ARFIP1: variants seen among roughly 807,000 people sequenced by gnomAD.
ARFIP1 encodes ARF interacting protein 1.
Under a neutral mutation model 42.5 loss-of-function variants are expected in ARFIP1, and 24 were observed. That is an observed-to-expected ratio of 0.57 (90% CI 0.41 to 0.80). The LOEUF is 0.80. ARFIP1 is among the 30% of genes least tolerant of loss of function. The pLI, the probability that ARFIP1 is intolerant of heterozygous loss-of-function variation, is 0.00. For synonymous variants in ARFIP1, 141 were observed against 153.7 expected (o/e 0.92, Z 0.61); for missense variants, 354 against 434.0 (o/e 0.82, Z 1.64).
In ARFIP1 at chr4:152,863,598, T is replaced by A; in HGVS notation, c.94-8T>A. 3 of 1,507,194 alleles carry A rather than the reference T, an allele frequency of 2.0e-6. No homozygotes were observed. The highest frequency in any genetic ancestry group is 1.8e-6 in the Non-Finnish European group (2 of 1,091,194). 93.4% of individuals were successfully genotyped at this position (1,507,194 alleles called of 1,614,324 possible). On this transcript the variant is annotated splice_polypyrimidine_tract_variant and splice_region_variant and intron_variant, in intron 2 of 8. Coordinates refer to ENST00000353617, the MANE Select transcript of ARFIP1 (RefSeq NM_001025595.3). ...CAAAGTTTTTTCTTTTATTTAAATC[T>A]TGCTAAGGATTTGAAGCATTCATTA... is the stretch of plus-strand genomic sequence containing the variant.
chr4:152,893,200 G>C (rs907387340), intron 8 of ARFIP1, among the ~76,000 whole-genome samples: 1 of 152,158 alleles, frequency 6.6e-6, no homozygotes, highest in Non-Finnish European at 1.5e-5. Flanking sequence ...AATTAGAGGC[G>C]CACTACAGGG....
intron 8 of ARFIP1, among the ~76,000 whole-genome samples, chr4:152,905,634 TCTCCAC>T (rs1738291619): frequency 7.4e-6 from 1 of 134,878 alleles, no homozygotes; most frequent in African/African-American, 2.8e-5. Context: ...CTCACCGCAG[TCTCCAC>T]CTCCCGGGTT....
chr4:152,863,232 A>G lies in ARFIP1; in HGVS notation c.94-374A>G, dbSNP rs189178300. Among the ~76,000 whole-genome samples, 5 of 152,310 alleles carry G rather than the reference A, an allele frequency of 3.3e-5. No homozygotes were observed. The East Asian group carries it at 5.8e-4, about 18-fold the overall frequency. On this transcript the variant is annotated intron_variant, in intron 2 of 8. Coordinates refer to ENST00000353617, the MANE Select transcript of ARFIP1 (RefSeq NM_001025595.3). Reference sequence around the variant, plus strand: ...TGCATTAGCCAGGCTCATTGTGATTATATTAGGTGTCAGTCAGCTTTTACA... The same window carrying G: ...TGCATTAGCCAGGCTCATTGTGATTGTATTAGGTGTCAGTCAGCTTTTACA...
chr4:152,877,484 C>A (rs1381098132), intron 5 of ARFIP1, among the ~76,000 whole-genome samples: 1 of 152,154 alleles, frequency 6.6e-6, no homozygotes. Context: ...AACTAGCTTG[C>A]TTTTGATTTT....
At chr4:152,882,658 T>G in intron 6 of ARFIP1, 65 bp from the exon 7 acceptor site, 158 of 1,483,488 alleles carry the variant, frequency 1.1e-4, no homozygotes, top group Non-Finnish European at 1.4e-4. Flanking sequence ...GTGACGTGCT[T>G]GAGATTTTTA....
At chr4:152,862,434 GT>G (rs1733966798) in intron 2 of ARFIP1, among the ~76,000 whole-genome samples, 1 of 150,214 alleles carries the variant, frequency 6.7e-6, no homozygotes, top group South Asian at 2.1e-4. Context: ...AGATGTGTAT[GT>G]TTTGTCCTAG....
chr4:152,835,067 T>G (rs939004894), intron 2 of ARFIP1, among the ~76,000 whole-genome samples: 1 of 152,184 alleles, frequency 6.6e-6, no homozygotes. Flanking sequence ...TCCCAAAGAC[T>G]TCTGAAATGC....
chr4:152,840,627 T>C (rs1358693427), intron 2 of ARFIP1, among the ~76,000 whole-genome samples: 1 of 152,204 alleles, frequency 6.6e-6, no homozygotes, highest in Non-Finnish European at 1.5e-5. Context: ...CCTTTAAGTT[T>C]ATCTGAGTCC....
At chr4:152,837,940 C>T (rs1327580894) in intron 2 of ARFIP1, among the ~76,000 whole-genome samples, 4 of 152,034 alleles carry the variant, frequency 2.6e-5, no homozygotes, top group South Asian at 4.1e-4. Flanking sequence ...ATCCATCTTG[C>T]GTTGATTTTT....
At chr4:152,837,142 A>G (rs529322433) in intron 2 of ARFIP1, among the ~76,000 whole-genome samples, 1 of 152,258 alleles carries the variant, frequency 6.6e-6, no homozygotes, top group South Asian at 2.1e-4. Context: ...ATATTGCATC[A>G]TATATATACA....
At chr4:152,859,960 T>G (rs1733754447) in intron 2 of ARFIP1, among the ~76,000 whole-genome samples, 1 of 151,794 alleles carries the variant, frequency 6.6e-6, no homozygotes, top group African/African-American at 2.4e-5. Context: ...TACTTATAAT[T>G]TCATGACTTT....
At chr4:152,878,501 G>A (rs1735553020) in intron 5 of ARFIP1, among the ~76,000 whole-genome samples, 1 of 152,128 alleles carries the variant, frequency 6.6e-6, no homozygotes, top group South Asian at 2.1e-4. Context: ...AAAGCTTCCT[G>A]TAGGAAATCT....
chr4:152,846,013 T>C (rs1405745187), intron 2 of ARFIP1, among the ~76,000 whole-genome samples: 1 of 152,148 alleles, frequency 6.6e-6, no homozygotes, highest in Non-Finnish European at 1.5e-5. Flanking sequence ...TGTGCAGCCA[T>C]AAAAAAGAAC....
chr4:152,866,568 C>T (rs1427831103), intron 3 of ARFIP1, among the ~76,000 whole-genome samples: 4 of 150,862 alleles, frequency 2.7e-5, no homozygotes, highest in Non-Finnish European at 4.4e-5. Context: ...CCCTCCTGGA[C>T]GGGGCGGCTG....
intron 3 of ARFIP1, among the ~76,000 whole-genome samples, chr4:152,865,856 C>G (rs977905080): frequency 5.9e-5 from 9 of 152,006 alleles, no homozygotes; most frequent in Non-Finnish European, 1.3e-4. Flanking sequence ...ACTAATTTTA[C>G]TATTAAGATA....
At position 152,896,063 on chromosome 4, in the gene ARFIP1, G is replaced by A. The variant is rs142088489; in HGVS notation, c.966+7756G>A. Among the ~76,000 whole-genome samples the A allele has an allele frequency of 4.0e-3, 602 of 152,186 alleles. 4 individuals are homozygous for A. The highest frequency in any genetic ancestry group is 0.014 in the South Asian group (68 of 4,812). On this transcript the variant is annotated intron_variant, in intron 8 of 8. Transcript: ENST00000353617. ...GGACTTGGCCAGGTGTGTGTGTTGC[G>A]GGGGAGGGGCTGGGGTATCATGGAA...
At chr4:152,875,167 G>A (rs956276624) in intron 5 of ARFIP1, among the ~76,000 whole-genome samples, 119 of 152,076 alleles carry the variant, frequency 7.8e-4, no homozygotes, top group African/African-American at 2.8e-3. Flanking sequence ...TATAATAGGA[G>A]CAATTTTAGG....
chr4:152,894,972 A>C (rs201862408), intron 8 of ARFIP1, among the ~76,000 whole-genome samples: 1 of 152,196 alleles, frequency 6.6e-6, no homozygotes, highest in East Asian at 1.9e-4. Flanking sequence ...TTGTGGCAGG[A>C]GAGGGTGTGG....
intron 8 of ARFIP1, among the ~76,000 whole-genome samples, chr4:152,888,897 A>C (rs969491340): frequency 6.6e-6 from 1 of 152,158 alleles, no homozygotes; most frequent in Non-Finnish European, 1.5e-5. Flanking sequence ...TTTTGGTTTA[A>C]GTAAAAGGAT....
Sources: gnomAD v4.1 joint callset for allele counts (sites outside exome capture counted in the v4.1 genomes callset) on GRCh38, gnomAD v4.1.1 for gene constraint, MANE v1.5 for transcripts, NCBI Gene and HGNC (gene_info 2026-07-23, HGNC 2026-07-21) for gene names.